The following SCAPER variants were observed in gnomAD, a reference collection of about 807,000 sequenced individuals.
SCAPER encodes the protein S-phase cyclin A associated protein in the ER.
In SCAPER, 98 loss-of-function variants were observed where a neutral mutation model predicts 182.2. The observed-to-expected ratio is 0.54, with a 90% CI of 0.46 to 0.64. The LOEUF (loss-of-function observed/expected upper bound fraction) is 0.64. Ranked by LOEUF, SCAPER falls within the 30% of genes least tolerant of loss-of-function variation. The probability of loss-of-function intolerance (pLI) is 0.00; values close to 1 mark genes in which losing one functional copy is unlikely to be tolerated. For missense variants in SCAPER, 1,432 were observed against 1,690.0 expected (o/e 0.85, Z 2.68); for synonymous variants, 605 against 564.6 (o/e 1.07, Z -1.01).
chr15:76,487,606 A>C (rs899103478), intron 24 of SCAPER, among the ~76,000 whole-genome samples: 1 of 152,164 alleles, frequency 6.6e-6, no homozygotes, highest in African/African-American at 2.4e-5. Context: ...AATAGGTAAA[A>C]CTGAGGAGAG....
At chr15:76,726,478 A>C (rs1004738628) in intron 17 of SCAPER, among the ~76,000 whole-genome samples, 1 of 151,938 alleles carries the variant, frequency 6.6e-6, no homozygotes, top group African/African-American at 2.4e-5. Context: ...CAATAAAATT[A>C]GTATATGATC....
At chr15:76,539,065 A>C (rs2044478780) in intron 23 of SCAPER, among the ~76,000 whole-genome samples, 1 of 150,890 alleles carries the variant, frequency 6.6e-6, no homozygotes, top group Admixed American at 6.6e-5. Flanking sequence ...TAATGTTGTA[A>C]GTAAAAAAAA....
intron 1 of SCAPER, among the ~76,000 whole-genome samples, chr15:76,899,782 TG>T (rs1472018096): frequency 2.0e-5 from 3 of 150,556 alleles, no homozygotes; most frequent in African/African-American, 7.4e-5. Flanking sequence ...CCGCCCCGTC[TG>T]GGAAGTGAGG....
At chr15:76,820,882 C>T (rs1390518494) in intron 5 of SCAPER, among the ~76,000 whole-genome samples, 3 of 152,134 alleles carry the variant, frequency 2.0e-5, no homozygotes, top group Non-Finnish European at 4.4e-5. Context: ...ACATGCTCCA[C>T]ATCATAAGTC....
intron 5 of SCAPER, among the ~76,000 whole-genome samples, chr15:76,835,769 A>C (rs1424149273): frequency 5.9e-5 from 9 of 152,104 alleles, no homozygotes; most frequent in African/African-American, 2.2e-4. Flanking sequence ...TGCAGACAAT[A>C]TGATTCTATA....
chr15:76,696,790 C>A (rs182083011), intron 20 of SCAPER, among the ~76,000 whole-genome samples: 11 of 152,204 alleles, frequency 7.2e-5, no homozygotes, highest in Admixed American at 5.2e-4. Flanking sequence ...AACTACTACC[C>A]ATTTTTGACT....
chr15:76,554,541 T>G (rs2046038121), intron 23 of SCAPER, among the ~76,000 whole-genome samples: 1 of 152,116 alleles, frequency 6.6e-6, no homozygotes, highest in South Asian at 2.1e-4. Flanking sequence ...CATCAGATTC[T>G]CCAAGTATAG....
intron 23 of SCAPER, among the ~76,000 whole-genome samples, chr15:76,525,159 G>A (rs1275931225): frequency 6.6e-6 from 1 of 151,780 alleles, no homozygotes; most frequent in Non-Finnish European, 1.5e-5. Flanking sequence ...TGAATTCTTG[G>A]TCTAAAACAC....
chr15:76,721,477 C>T (rs1186845578), intron 17 of SCAPER, among the ~76,000 whole-genome samples: 9 of 151,998 alleles, frequency 5.9e-5, no homozygotes, highest in Non-Finnish European at 8.8e-5. Flanking sequence ...TCATTGGCAG[C>T]TTGATGGGGA....
intron 20 of SCAPER, among the ~76,000 whole-genome samples, chr15:76,687,360 T>C (rs913982466): frequency 6.6e-5 from 10 of 152,166 alleles, no homozygotes; most frequent in South Asian, 4.1e-4. Context: ...GTGGAACTTA[T>C]ATAAGCCATA....
chr15:76,790,223 T>C (rs1424113363), intron 8 of SCAPER, among the ~76,000 whole-genome samples: 1 of 92,364 alleles, frequency 1.1e-5, no homozygotes, highest in African/African-American at 3.2e-5. Context: ...AGAGCAAGAC[T>C]CCATCTCAAA....
chr15:76,541,428 T>TC (rs1274552561), intron 23 of SCAPER, among the ~76,000 whole-genome samples: 1 of 152,012 alleles, frequency 6.6e-6, no homozygotes, highest in East Asian at 1.9e-4. Flanking sequence ...CTTCTACCCT[T>TC]CCCCCCACAC....
At chr15:76,850,085 G>C (rs1428570490) in intron 4 of SCAPER, among the ~76,000 whole-genome samples, 1 of 152,164 alleles carries the variant, frequency 6.6e-6, no homozygotes, top group Non-Finnish European at 1.5e-5. Flanking sequence ...TACAATTCAA[G>C]GTGAGATTTG....
chr15:76,879,745 C>T (rs932285503), intron 2 of SCAPER, among the ~76,000 whole-genome samples: 1 of 152,170 alleles, frequency 6.6e-6, no homozygotes, highest in African/African-American at 2.4e-5. Context: ...TCTTTCGAAT[C>T]CCAACTTAAA....
intron 20 of SCAPER, among the ~76,000 whole-genome samples, chr15:76,676,584 T>C (rs1452559184): frequency 6.6e-6 from 1 of 152,130 alleles, no homozygotes; most frequent in Non-Finnish European, 1.5e-5. Flanking sequence ...TATAAAGATA[T>C]TCACTGCAGT....
chr15:76,564,948 G>A (rs143203049), intron 23 of SCAPER, among the ~76,000 whole-genome samples: 3 of 152,244 alleles, frequency 2.0e-5, no homozygotes, highest in African/African-American at 7.2e-5. Context: ...GAATAGTGAT[G>A]CAATACCTGG....
At chr15:76,804,758 G>T in intron 5 of SCAPER, 125 bp from the exon 6 acceptor site, 1 of 482,334 alleles carries the variant, frequency 2.1e-6, no homozygotes, top group Non-Finnish European at 3.5e-6. Context: ...AAAAAGCTGC[G>T]TAAGTTACAG....
chr15:76,818,563 T>A (rs932010906), intron 5 of SCAPER, among the ~76,000 whole-genome samples: 3 of 151,798 alleles, frequency 2.0e-5, no homozygotes, highest in Non-Finnish European at 4.4e-5. Context: ...GACACTGTTA[T>A]CCAAAACATA....
intron 17 of SCAPER, among the ~76,000 whole-genome samples, chr15:76,727,511 G>A (rs973369613): frequency 2.0e-5 from 3 of 152,062 alleles, no homozygotes; most frequent in African/African-American, 7.2e-5. Flanking sequence ...TTTCAATAAA[G>A]TATGCTAGAA....
Sources: allele counts gnomAD v4.1 joint callset (sites outside exome capture counted in the v4.1 genomes callset), GRCh38; gene constraint gnomAD v4.1.1; transcripts MANE v1.5; gene names NCBI Gene and HGNC (gene_info 2026-07-23, HGNC 2026-07-21).